HYAL1: variants seen among roughly 807,000 people sequenced by gnomAD.
HYAL1 encodes the protein hyaluronidase-1.
HYAL1 carries 21 observed loss-of-function variants against 28.8 expected under a neutral mutation model. That is an observed-to-expected ratio of 0.73 (90% CI 0.52 to 1.05). The LOEUF (loss-of-function observed/expected upper bound fraction) is 1.05. HYAL1 is among the 50% of genes least tolerant of loss of function. HYAL1 has a pLI of 0.00. For missense variants in HYAL1, 491 were observed against 579.2 expected (o/e 0.85, Z 1.56); for synonymous variants, 200 against 230.1 (o/e 0.87, Z 1.18).
intron 2 of HYAL1, among the ~76,000 whole-genome samples, chr3:50,309,440 G>A (rs1553714449): frequency 6.9e-6 from 1 of 143,928 alleles, no homozygotes; most frequent in Non-Finnish European, 1.5e-5. Flanking sequence ...CTCCAGCCTG[G>A]GCAACAGAGC....
At chr3:50,311,858 C>T (rs1702468899) in intron 1 of HYAL1, among the ~76,000 whole-genome samples, 3 of 148,494 alleles carry the variant, frequency 2.0e-5, no homozygotes, top group African/African-American at 5.0e-5. Flanking sequence ...GACCCCCCCA[C>T]CTCCCTCCCG....
upstream of HYAL1, among the ~76,000 whole-genome samples, chr3:50,307,827 G>A (rs1375732742): frequency 7.2e-5 from 10 of 139,794 alleles, no homozygotes; most frequent in South Asian, 6.7e-4. Context: ...ACGGAGTCTC[G>A]CTCTATCACC....
upstream of HYAL1, among the ~76,000 whole-genome samples, chr3:50,304,296 AATATATATATATATATATATATATAT>A (rs1175956843): frequency 6.7e-3 from 204 of 30,486 alleles, 9 homozygotes; most frequent in African/African-American, 0.021. Context: ...AAAAAAAAAA[AATATATATATATATATATATATATAT>A]ATATATATAT....
chr3:50,302,794 C>T lies in HYAL1; in HGVS notation c.163G>A (p.Val55Ile). ...CCTGGGTTGGCTACCACATCGAAGA[C>T]ACTGACATCCACGTCCACACCGTGC... ...ERHGVDVDVS[V>I]FDVVANPGQT... is the part of the protein sequence containing the mutation. Residue 55 changes from valine (V) to isoleucine (I), a missense_variant, in exon 2 of 4, where the codon GTC (valine) becomes ATC (isoleucine). Physicochemically the swap from Val to Ile is conservative, Grantham distance 29 (BLOSUM62 3). Coordinates refer to ENST00000395144, the MANE Select transcript of HYAL1 (RefSeq NM_033159.4). This position sits in a 1 kb window ranked among gnomAD's most constrained non-coding sequence, Gnocchi z 5.0. 2.5e-6 allele frequency: 4 copies of T among 1,614,098 alleles called. No homozygotes were observed. Among genetic ancestry groups the T allele is most frequent in the Non-Finnish European group, 3.4e-6 (4 of 1,180,034 alleles).
upstream of HYAL1, among the ~76,000 whole-genome samples, chr3:50,304,296 A>AAAAAAATATATAT (rs1553713686): frequency 3.3e-5 from 1 of 30,480 alleles, no homozygotes; most frequent in East Asian, 2.4e-3. Flanking sequence ...AAAAAAAAAA[A>AAAAAAATATATAT]ATATATATAT....
rs782258938 is a variant in HYAL1 at position 50,302,906 on chromosome 3, A to G, written c.51T>C (p.Asp17=). The G allele has an allele frequency of 3.1e-6, 5 of 1,605,506 alleles. 1 individual carries two copies. In the South Asian group the frequency reaches 5.5e-5, roughly 18 times the overall value. Residue 17 remains aspartate, a synonymous_variant, in exon 2 of 4, where the codon GAT becomes GAC. Transcript: ENST00000395144. This position sits in a 1 kb window ranked among gnomAD's most constrained non-coding sequence, Gnocchi z 5.0. The part of the protein sequence containing the change: ...PICALFLTLL[D]MAQGFRGPLL... ...AGGGGCCCCTAAAGCCTTGGGCCAT[A>G]TCGAGTAAGGTCAGGAAGAGGGCGC...
chr3:50,307,680 GAAAAAAAA>G (rs1160592800), upstream of HYAL1, among the ~76,000 whole-genome samples: 4 of 24,988 alleles, frequency 1.6e-4, no homozygotes, highest in African/African-American at 6.0e-4. Context: ...GACTCCATCT[GAAAAAAAA>G]AAAAAAAAAA....
upstream of HYAL1, among the ~76,000 whole-genome samples, chr3:50,308,453 A>T (rs1441664759): frequency 6.8e-6 from 1 of 147,938 alleles, no homozygotes; most frequent in Non-Finnish European, 1.5e-5. Flanking sequence ...TATTATTATT[A>T]TTATTATTTT....
intron 1 of HYAL1, among the ~76,000 whole-genome samples, chr3:50,310,499 C>G (rs1702423436): frequency 6.6e-6 from 1 of 151,404 alleles, no homozygotes; most frequent in Non-Finnish European, 1.5e-5. Flanking sequence ...ATCTCCTGAC[C>G]TCGTGATCTG....
intron 1 of HYAL1, 51 bp from the exon 2 acceptor site, chr3:50,303,031 C>T (rs1575518059): frequency 7.1e-7 from 1 of 1,403,054 alleles, no homozygotes; most frequent in Non-Finnish European, 9.6e-7. Flanking sequence ...TCCGATTCCC[C>T]CACTGCTCAG....
chr3:50,303,877 G>T (rs587602917), upstream of HYAL1: 1 of 152,348 alleles, frequency 6.6e-6, no homozygotes, highest in Non-Finnish European at 1.5e-5. Context: ...CTTGTGCTCA[G>T]GGAGTGTTCT....
intron 1 of HYAL1, among the ~76,000 whole-genome samples, chr3:50,312,021 T>C (rs1475134240): frequency 7.5e-6 from 1 of 133,058 alleles, no homozygotes; most frequent in Non-Finnish European, 1.6e-5. Flanking sequence ...GGTGGGAGGC[T>C]GTCCCCCCCA....
chr3:50,302,580 G>C lies in HYAL1; in HGVS notation c.377C>G (p.Ala126Gly), dbSNP rs781964177. The change falls in exon 2 of 4, where the codon GCA becomes GGA. Residue 126 changes from alanine to glycine, a missense_variant. Ala to Gly is a moderately conservative substitution (Grantham distance 60). Transcript: ENST00000395144. This position sits in a 1 kb window ranked among gnomAD's most constrained non-coding sequence, Gnocchi z 5.0. ...AIPAPDFSGL[A>G]VIDWEAWRPR... Reference sequence around the variant, plus strand: ...GCGCCATGCCTCCCAGTCGATGACTGCCAGCCCTGAGAAGTCAGGAGCAGG... The same window carrying C: ...GCGCCATGCCTCCCAGTCGATGACTCCCAGCCCTGAGAAGTCAGGAGCAGG... 1.9e-6 allele frequency: 3 copies of C among 1,614,168 alleles called. No homozygotes were observed. The highest frequency in any genetic ancestry group is 2.5e-6 in the Non-Finnish European group (3 of 1,180,036).
chr3:50,302,554 G>A lies in HYAL1; in HGVS notation c.403C>T (p.Pro135Ser), dbSNP rs1702212450. 1 of 1,614,062 alleles carries A rather than the reference G, an allele frequency of 6.2e-7. No homozygotes were observed. ...GTGTCCCAGTTGAAGGCCCAGCGTG[G>A]GCGCCATGCCTCCCAGTCGATGACT... ...LAVIDWEAWR[P>S]RWAFNWDTKD... Residue 135 changes from proline to serine, a missense_variant, in exon 2 of 4, where the codon CCA (proline) becomes TCA (serine). Pro to Ser is a moderately conservative substitution (Grantham distance 74, BLOSUM62 -1). Transcript: ENST00000395144. The surrounding 1 kb of genome is among the most constrained non-coding windows in gnomAD (Gnocchi z 5.0).
At chr3:50,311,479 T>A (rs1177413623) in intron 1 of HYAL1, among the ~76,000 whole-genome samples, 2 of 108,680 alleles carry the variant, frequency 1.8e-5, no homozygotes, top group African/African-American at 7.2e-5. Context: ...ACGGGGCGGC[T>A]GGCCGGGCAG....
intron 1 of HYAL1, among the ~76,000 whole-genome samples, chr3:50,310,513 G>A (rs1307479141): frequency 3.3e-5 from 5 of 150,924 alleles, no homozygotes; most frequent in East Asian, 3.9e-4. Context: ...TGATCTGCCC[G>A]CCTCGGCCTC....
chr3:50,300,939 T>TGGGGGGGGGCGGGGGGGGGGGGGGGG, intron 3 of HYAL1, 49 bp downstream of exon 3: 1 of 959,410 alleles, frequency 1.0e-6, no homozygotes, highest in Non-Finnish European at 1.7e-6. Flanking sequence ...GTCAGCTTAA[T>TGGGGGGGGGCGGGGGGGGGGGGGGGG]GGCCCCACCC....
chr3:50,307,540 G>A (rs1702355560), upstream of HYAL1, among the ~76,000 whole-genome samples: 2 of 148,074 alleles, frequency 1.4e-5, no homozygotes, highest in South Asian at 4.2e-4. Context: ...ATTAAGCTGG[G>A]CGTGGTGGTG....
At chr3:50,306,743 C>T (rs587623252), upstream of HYAL1, among the ~76,000 whole-genome samples, 11 of 150,634 alleles carry the variant, frequency 7.3e-5, 1 homozygote, top group East Asian at 1.9e-4. Flanking sequence ...AAAATTAGCC[C>T]GGCATGGTGG....
Sources: gnomAD v4.1 joint callset for allele counts (sites outside exome capture counted in the v4.1 genomes callset) on GRCh38, gnomAD v4.1.1 for gene constraint, Gnocchi (gnomAD v3.1) non-coding constraint, MANE v1.5 for transcripts, NCBI Gene and HGNC (gene_info 2026-07-23, HGNC 2026-07-21) for gene names.